Variants in SLC41A2 observed in about 807,000 individuals in gnomAD.
SLC41A2 encodes the protein SLC41A1-like 1.
In SLC41A2, 32 loss-of-function variants were observed where a neutral mutation model predicts 58.3. The observed-to-expected ratio is 0.55, with a 90% confidence interval of 0.41 to 0.74. The LOEUF is 0.74. Ranked by LOEUF, SLC41A2 falls within the 30% of genes least tolerant of loss-of-function variation. SLC41A2 has a pLI of 0.00. For synonymous variants in SLC41A2, 190 were observed against 235.0 expected (o/e 0.81, Z 1.75); for missense variants, 514 against 680.6 (o/e 0.76, Z 2.72).
Position 104,845,946 on chromosome 12 carries a change from C to T in SLC41A2, c.1284G>A (p.Gln428=). ...GGAGGTAGGTAGAAATCCTGCTAGC[C>T]TGAATGGCCACCAAATTACCACCAA... ...NGIGGNLVAI[Q]ASRISTYLHL... Residue 428 remains glutamine, a synonymous_variant, in exon 9 of 11, where the codon CAG becomes CAA. Coordinates refer to ENST00000258538, the MANE Select transcript of SLC41A2 (RefSeq NM_001352171.3). 6.2e-7 allele frequency: 1 copy of T among 1,613,538 alleles called. No homozygotes were observed. The highest frequency in any genetic ancestry group is 8.5e-7 in the Non-Finnish European group (1 of 1,179,660).
Position 104,832,256 on chromosome 12 carries a change from G to A in SLC41A2, c.1536+12216C>T, listed in dbSNP as rs186095949. On this transcript the variant is annotated intron_variant, in intron 10 of 10. Transcript: ENST00000258538. ...CTCTCCTTTCCATTCCTGTCTTTACGGATTATCTCTCTTGTACAATTCCTG... is the reference window on the plus strand; with the variant it reads ...CTCTCCTTTCCATTCCTGTCTTTACAGATTATCTCTCTTGTACAATTCCTG... 9.5e-4 allele frequency among the ~76,000 whole-genome samples: 145 copies of A among 152,150 alleles called. 1 individual carries two copies. The highest frequency in any genetic ancestry group is 3.4e-3 in the African/African-American group (140 of 41,494).
At chr12:104,895,859 T>C (rs2045256498) in intron 3 of SLC41A2, among the ~76,000 whole-genome samples, 1 of 152,174 alleles carries the variant, frequency 6.6e-6, no homozygotes, top group African/African-American at 2.4e-5. Flanking sequence ...TTAATTTTGA[T>C]CATGTACCGC....
chr12:104,830,352 A>G (rs2041997486), intron 10 of SLC41A2, among the ~76,000 whole-genome samples: 1 of 152,224 alleles, frequency 6.6e-6, no homozygotes, highest in Non-Finnish European at 1.5e-5. Flanking sequence ...CCTCCTGAAT[A>G]CTTTAAAACA....
chr12:104,857,626 C>T (rs190460030), intron 8 of SLC41A2, among the ~76,000 whole-genome samples: 1 of 151,904 alleles, frequency 6.6e-6, no homozygotes, highest in Non-Finnish European at 1.5e-5. Context: ...CAATGATAGA[C>T]TGAATTAAGA....
At chr12:104,873,523 A>G (rs1284397253) in intron 6 of SLC41A2, among the ~76,000 whole-genome samples, 1 of 152,156 alleles carries the variant, frequency 6.6e-6, no homozygotes, top group Non-Finnish European at 1.5e-5. Context: ...GGCTGATTTC[A>G]TTTCCTTTGG....
intron 3 of SLC41A2, among the ~76,000 whole-genome samples, chr12:104,898,506 C>T (rs17036489): frequency 6.8e-6 from 1 of 148,004 alleles, no homozygotes. Context: ...AGTCTCCATT[C>T]ATGCATTATT....
At chr12:104,880,179 T>C (rs574394105) in intron 6 of SLC41A2, among the ~76,000 whole-genome samples, 1 of 152,302 alleles carries the variant, frequency 6.6e-6, no homozygotes, top group South Asian at 2.1e-4. Context: ...TCCTGAGACT[T>C]TGCTGAAGTT....
At chr12:104,933,856 G>A (rs1396561408) in intron 1 of SLC41A2, among the ~76,000 whole-genome samples, 5 of 152,104 alleles carry the variant, frequency 3.3e-5, no homozygotes, top group African/African-American at 1.2e-4. Flanking sequence ...AGTTTTAAGT[G>A]GGAGCTAAGT....
At chr12:104,807,110 T>G (rs983538653) in intron 10 of SLC41A2, among the ~76,000 whole-genome samples, 9 of 152,248 alleles carry the variant, frequency 5.9e-5, no homozygotes, top group African/African-American at 2.2e-4. Context: ...TTGCCATTGC[T>G]TTTGGTGTTT....
intron 4 of SLC41A2, 137 bp from the exon 5 acceptor site, chr12:104,889,314 A>G: frequency 2.3e-6 from 2 of 887,044 alleles, no homozygotes; most frequent in Non-Finnish European, 3.4e-6. Context: ...CTTTTAGAGT[A>G]GTTACTATAT....
At chr12:104,915,779 T>A (rs1253110778) in intron 2 of SLC41A2, among the ~76,000 whole-genome samples, 1 of 152,210 alleles carries the variant, frequency 6.6e-6, no homozygotes, top group Non-Finnish European at 1.5e-5. Context: ...CCTGCCTGAT[T>A]GCCCTGGCCA....
At chr12:104,932,176 T>G (rs886792002) in intron 1 of SLC41A2, among the ~76,000 whole-genome samples, 1 of 152,222 alleles carries the variant, frequency 6.6e-6, no homozygotes, top group Non-Finnish European at 1.5e-5. Flanking sequence ...ATCTCCTTAA[T>G]GATTCCTTAA....
intron 6 of SLC41A2, among the ~76,000 whole-genome samples, chr12:104,874,962 A>C (rs1308145383): frequency 2.6e-5 from 4 of 152,230 alleles, no homozygotes; most frequent in African/African-American, 7.2e-5. Flanking sequence ...CTTCCAATCC[A>C]TAAACATGGA....
chr12:104,823,679 CAGAA>C (rs545764212), intron 10 of SLC41A2, among the ~76,000 whole-genome samples: 13 of 152,144 alleles, frequency 8.5e-5, no homozygotes, highest in Admixed American at 2.0e-4. Flanking sequence ...ATCTCTAAAA[CAGAA>C]AGCCCTCACA....
intron 6 of SLC41A2, among the ~76,000 whole-genome samples, chr12:104,874,090 T>C (rs1262190420): frequency 2.0e-5 from 3 of 150,716 alleles, no homozygotes; most frequent in East Asian, 3.9e-4. Context: ...TTTTTTTTTT[T>C]TGAGACAGAG....
At chr12:104,904,112 C>A (rs2045694288) in intron 3 of SLC41A2, among the ~76,000 whole-genome samples, 1 of 152,208 alleles carries the variant, frequency 6.6e-6, no homozygotes, top group Non-Finnish European at 1.5e-5. Context: ...TTCCCTACAG[C>A]ATGGCCTATT....
At chr12:104,843,887 T>G (rs181995798) in intron 10 of SLC41A2, among the ~76,000 whole-genome samples, 1 of 152,120 alleles carries the variant, frequency 6.6e-6, no homozygotes, top group African/African-American at 2.4e-5. Flanking sequence ...ACACTATACA[T>G]GCCAACTAAT....
At chr12:104,953,787 G>C (rs552963915) in intron 1 of SLC41A2, among the ~76,000 whole-genome samples, 1 of 152,234 alleles carries the variant, frequency 6.6e-6, no homozygotes, top group South Asian at 2.1e-4. Flanking sequence ...ATCTCAATTT[G>C]ACTAGAATAT....
chr12:104,820,398 A>G (rs1477896560), intron 10 of SLC41A2, among the ~76,000 whole-genome samples: 1 of 152,244 alleles, frequency 6.6e-6, no homozygotes, highest in Non-Finnish European at 1.5e-5. Flanking sequence ...GAGGAGTTCA[A>G]GGTTACAGTG....
Sources: gnomAD v4.1 joint callset for allele counts (sites outside exome capture counted in the v4.1 genomes callset) on GRCh38, gnomAD v4.1.1 for gene constraint, MANE v1.5 for transcripts, NCBI Gene and HGNC (gene_info 2026-07-23, HGNC 2026-07-21) for gene names.